ZDHHC21: variants seen among roughly 807,000 people sequenced by gnomAD.
ZDHHC21 encodes the protein zDHHC palmitoyltransferase 21.
In ZDHHC21, 15 loss-of-function variants were observed where a neutral mutation model predicts 34.6. The ratio of observed to expected loss-of-function variants is 0.43; its 90% CI spans 0.29 to 0.67. The LOEUF is 0.67. Ranked by LOEUF, ZDHHC21 falls within the 30% of genes least tolerant of loss-of-function variation. ZDHHC21 has a pLI of 0.14. For synonymous variants in ZDHHC21, 142 were observed against 101.8 expected, an observed-to-expected ratio of 1.40 and a Z score of -2.38; for missense variants, 344 against 327.7, an observed-to-expected ratio of 1.05 and a Z score of -0.38.
chr9:14,606,480 C>T (rs116718816), downstream of ZDHHC21, among the ~76,000 whole-genome samples: 1,360 of 152,224 alleles, frequency 8.9e-3, 27 homozygotes, highest in African/African-American at 0.031. Context: ...TGCGAGTAAA[C>T]GAGGCTTCTG....
downstream of ZDHHC21, among the ~76,000 whole-genome samples, chr9:14,608,735 C>G (rs911419674): frequency 1.3e-5 from 2 of 151,676 alleles, no homozygotes; most frequent in Non-Finnish European, 2.9e-5. Context: ...TCTACAGGGT[C>G]CAATTTTCCT....
chr9:14,673,529 TAA>T (rs535538350), intron 4 of ZDHHC21, among the ~76,000 whole-genome samples: 3 of 141,436 alleles, frequency 2.1e-5, no homozygotes, highest in Admixed American at 7.1e-5. Context: ...GTTGGGGCGA[TAA>T]AAAAAAAAAA....
Position 14,611,747 on chromosome 9 carries a change from C to T in ZDHHC21, c.*7219G>A, listed in dbSNP as rs1823335004. On this transcript the variant is annotated 3_prime_UTR_variant, in exon 10 of 10. Transcript: ENST00000380916. ...TCCAGGGACACAAAGTGAGCTCATA[C>T]AGCATGATCCACGTGTGCTCTGTCC... 6.6e-6 allele frequency: 1 copy of T among 151,992 alleles called. No homozygotes were observed. The highest frequency in any genetic ancestry group is 2.4e-5 in the African/African-American group (1 of 41,418). The allele number at this position is 151,992 out of a possible 1,614,324, so 9.4% of individuals were successfully genotyped here.
intron 8 of ZDHHC21, among the ~76,000 whole-genome samples, chr9:14,627,163 C>A (rs2133530678): frequency 6.6e-6 from 1 of 152,264 alleles, no homozygotes; most frequent in East Asian, 1.9e-4. Context: ...GACTACACTT[C>A]TGTGTATAGA....
At chr9:14,639,154 C>T (rs992386447) in intron 8 of ZDHHC21, among the ~76,000 whole-genome samples, 2 of 151,962 alleles carry the variant, frequency 1.3e-5, no homozygotes, top group African/African-American at 4.8e-5. Context: ...GGTATATATA[C>T]ACAATGGAAT....
At chr9:14,633,676 G>A (rs1827771962) in intron 8 of ZDHHC21, among the ~76,000 whole-genome samples, 1 of 152,094 alleles carries the variant, frequency 6.6e-6, no homozygotes, top group Admixed American at 6.5e-5. Context: ...CAAGGCTGAA[G>A]CACAAACTAC....
At chr9:14,600,205 G>A in the ZDHHC21 span, among the ~76,000 whole-genome samples, 1 of 152,194 alleles carries the variant, frequency 6.6e-6, no homozygotes, top group Admixed American at 6.5e-5. Flanking sequence ...AGGAAGAGAG[G>A]AAGTCACATT....
chr9:14,655,332 G>T (rs4542027), intron 7 of ZDHHC21, among the ~76,000 whole-genome samples: 4 of 152,046 alleles, frequency 2.6e-5, no homozygotes, highest in Admixed American at 2.6e-4. Context: ...TTTGTTCCAA[G>T]AGACTTGCAC....
At chr9:14,641,828 T>TA (rs1002533656) in intron 7 of ZDHHC21, among the ~76,000 whole-genome samples, 1 of 152,062 alleles carries the variant, frequency 6.6e-6, no homozygotes, top group African/African-American at 2.4e-5. Flanking sequence ...AATATTTATA[T>TA]AAAAGAGTGC....
intron 7 of ZDHHC21, among the ~76,000 whole-genome samples, chr9:14,654,379 G>A (rs1831805252): frequency 7.4e-6 from 1 of 135,092 alleles, no homozygotes; most frequent in African/African-American, 2.8e-5. Flanking sequence ...TAAAAATGAG[G>A]CTTCTCTTAT....
At chr9:14,674,050 G>C in intron 4 of ZDHHC21, 137 bp downstream of exon 4, 1 of 482,080 alleles carries the variant, frequency 2.1e-6, no homozygotes, top group Non-Finnish European at 3.4e-6. Context: ...TCATAAATTA[G>C]TAAATAACTG....
At chr9:14,657,242 C>G (rs1384308739) in intron 7 of ZDHHC21, among the ~76,000 whole-genome samples, 1 of 151,838 alleles carries the variant, frequency 6.6e-6, no homozygotes, top group Non-Finnish European at 1.5e-5. Flanking sequence ...AATTAATAGG[C>G]CAAAGAAAAA....
At chr9:14,620,884 T>C (rs1374432139) in intron 8 of ZDHHC21, among the ~76,000 whole-genome samples, 1 of 152,058 alleles carries the variant, frequency 6.6e-6, no homozygotes, top group Admixed American at 6.6e-5. Context: ...TATTCATTAG[T>C]TTTCCTATCA....
intron 8 of ZDHHC21, among the ~76,000 whole-genome samples, chr9:14,621,983 T>C (rs1359774864): frequency 1.3e-5 from 2 of 152,146 alleles, no homozygotes; most frequent in East Asian, 1.9e-4. Context: ...ATAACTATTA[T>C]CCTCAAGGAG....
At chr9:14,598,807 G>A in the ZDHHC21 span, among the ~76,000 whole-genome samples, 1 of 152,080 alleles carries the variant, frequency 6.6e-6, no homozygotes, top group East Asian at 1.9e-4. Context: ...CTGGAGTGCA[G>A]TGTGGCACAA....
In ZDHHC21 at chr9:14,677,763, A is replaced by G. The variant is rs79712699; in HGVS notation, c.-46+2270T>C. Among the ~76,000 whole-genome samples the G allele has an allele frequency of 6.1e-3, 934 of 152,198 alleles. 15 individuals are homozygous for G. The highest frequency in any genetic ancestry group is 0.021 in the African/African-American group (882 of 41,552). ...TTATAATTTAACTCTAATAAACCAG[A>G]CTGAGTAAATATTTATAATGTTCAA... On this transcript the variant is annotated intron_variant, in intron 3 of 9. Coordinates refer to ENST00000380916, the MANE Select transcript of ZDHHC21 (RefSeq NM_178566.6).
intron 7 of ZDHHC21, among the ~76,000 whole-genome samples, chr9:14,643,721 G>T (rs980874162): frequency 6.6e-6 from 1 of 152,178 alleles, no homozygotes; most frequent in Non-Finnish European, 1.5e-5. Context: ...CACAGTGAAA[G>T]ATAGGAATCT....
intron 5 of ZDHHC21, among the ~76,000 whole-genome samples, chr9:14,667,270 G>C (rs371945783): frequency 2.1e-5 from 3 of 145,992 alleles, no homozygotes; most frequent in African/African-American, 7.5e-5. Flanking sequence ...TAAATTCCTC[G>C]ACACATACAC....
the ZDHHC21 span, among the ~76,000 whole-genome samples, chr9:14,597,247 CCTCT>C: frequency 1.3e-5 from 2 of 152,118 alleles, no homozygotes; most frequent in Admixed American, 1.3e-4. Flanking sequence ...GGCCCAACAC[CCTCT>C]CTATCTCCAC....
Sources: allele counts gnomAD v4.1 joint callset (sites outside exome capture counted in the v4.1 genomes callset), GRCh38; gene constraint gnomAD v4.1.1; transcripts MANE v1.5; gene names NCBI Gene and HGNC (gene_info 2026-07-23, HGNC 2026-07-21).